Variants in MDN1 observed in about 807,000 individuals in gnomAD.
The protein encoded by MDN1 is midasin.
Under a neutral mutation model 669.2 loss-of-function variants are expected in MDN1, and 266 were observed. The observed-to-expected ratio is 0.40, with a 90% CI of 0.36 to 0.44. The LOEUF (loss-of-function observed/expected upper bound fraction) is 0.44, where lower values mean the gene tolerates loss of function less well. Among genes scored for constraint, MDN1 ranks in the 20% least tolerant of loss-of-function variants. MDN1 has a pLI of 1.00. For synonymous variants in MDN1, 2,385 were observed against 2,457.1 expected (o/e 0.97, Z 0.87); for missense variants, 5,940 against 6,754.0 (o/e 0.88, Z 4.22).
At chr6:89,661,075 G>T (rs569185370) in intron 88 of MDN1, among the ~76,000 whole-genome samples, 1 of 152,108 alleles carries the variant, frequency 6.6e-6, no homozygotes, top group African/African-American at 2.4e-5. Flanking sequence ...TGGACTCCAC[G>T]ACAGCTTGGT....
intron 95 of MDN1, 139 bp from the exon 96 acceptor site, chr6:89,650,986 C>A: frequency 1.6e-6 from 1 of 613,152 alleles, no homozygotes; most frequent in East Asian, 2.9e-5. Context: ...AATCTTCTCC[C>A]AGCAAGCTAC....
At position 89,789,803 on chromosome 6, in the gene MDN1, T is replaced by C. The variant is rs1254416379; in HGVS notation, c.1207A>G (p.Ile403Val). Reference protein sequence around the residue: ...TMGHWILLEDIDYAPLDVVSV... With the variant: ...TMGHWILLEDVDYAPLDVVSV... ...ACCACGTCTAAGGGGGCATAGTCAA[T>C]ATCCTCCAGAAGGATCCAGTGGCCC... is the stretch of plus-strand genomic sequence containing the variant. The change falls in exon 7 of 102, where the codon ATT becomes GTT. Residue 403 changes from isoleucine (I) to valine (V), a missense_variant. Coordinates refer to ENST00000369393, the MANE Select transcript of MDN1 (RefSeq NM_014611.3). 3.1e-6 allele frequency: 5 copies of C among 1,612,868 alleles called. No homozygotes were observed. The highest frequency in any genetic ancestry group is 1.7e-5 in the Admixed American group (1 of 59,616).
At chr6:89,670,170 A>ATATATATATAT (rs1444537561) in intron 83 of MDN1, among the ~76,000 whole-genome samples, 4 of 23,402 alleles carry the variant, frequency 1.7e-4, no homozygotes, top group African/African-American at 7.7e-4. Flanking sequence ...ATATATATAT[A>ATATATATATAT]TTTTTTTTTT....
chr6:89,771,472 A>C, intron 15 of MDN1, 89 bp downstream of exon 15: 1 of 1,158,810 alleles, frequency 8.6e-7, no homozygotes, highest in Non-Finnish European at 1.3e-6. Context: ...AGCATCCTAG[A>C]ACCTGTGGTT....
chr6:89,721,132 T>C (rs1293596184), intron 40 of MDN1, among the ~76,000 whole-genome samples: 1 of 152,110 alleles, frequency 6.6e-6, no homozygotes, highest in Non-Finnish European at 1.5e-5. Flanking sequence ...AGTCAGACCC[T>C]GCCTCAAAAA....
chr6:89,714,739 C>G lies in MDN1; in HGVS notation c.6873G>C (p.Ser2291=), dbSNP rs114422841. 1 of 1,606,302 alleles carries G rather than the reference C, an allele frequency of 6.2e-7. No homozygotes were observed. The part of the protein sequence containing the change: ...TPNPNFRLFL[S]MDPVHGDISR... Reference sequence around the variant, plus strand: ...ATATATCTCCATGAACAGGATCCATCGAGAGGAAAAGTCTAGAAAAATAGC... The same window carrying G: ...ATATATCTCCATGAACAGGATCCATGGAGAGGAAAAGTCTAGAAAAATAGC... Residue 2291 remains serine (S), a synonymous_variant, in exon 46 of 102, where the codon TCG becomes TCC. Coordinates refer to ENST00000369393, the MANE Select transcript of MDN1 (RefSeq NM_014611.3).
intron 1 of MDN1, among the ~76,000 whole-genome samples, chr6:89,814,358 A>G (rs1768662651): frequency 1.3e-5 from 2 of 149,530 alleles, no homozygotes. Context: ...TGAAAGAAGT[A>G]TTTCAGGTGT....
chr6:89,729,015 A>T lies in MDN1; in HGVS notation c.5265T>A (p.Pro1755=). The change falls in exon 36 of 102, where the codon CCT becomes CCA. Residue 1755 remains proline, a synonymous_variant. Coordinates refer to ENST00000369393, the MANE Select transcript of MDN1 (RefSeq NM_014611.3). ...LKKPILLEGS[P]GVGKTSLVGA... ...CCACCAAACTTGTCTTGCCAACACC[A>T]GGGGAACCCTCCAGGAGAATGGGCT... The T allele has an allele frequency of 6.2e-7, 1 of 1,614,126 alleles. No homozygotes were observed.
At position 89,692,965 on chromosome 6, in the gene MDN1, G is replaced by A. The variant is rs1812475946; in HGVS notation, c.10065C>T (p.His3355=). The A allele has an allele frequency of 1.2e-6, 2 of 1,614,078 alleles. No individual in the cohort carries two copies. Among genetic ancestry groups the A allele is most frequent in the South Asian group, 1.1e-5 (1 of 91,080 alleles). ...CTTGGGCAGACCGTGGCCCATCTAT[G>A]TGGAGGGCCTGCAGAAGCCGTGTGA... is the stretch of plus-strand genomic sequence containing the variant. ...DLLTRLLQAL[H]IDGPRSAQVA... Residue 3355 remains histidine (H), a synonymous_variant, in exon 63 of 102, where the codon CAC becomes CAT. Coordinates refer to ENST00000369393, the MANE Select transcript of MDN1 (RefSeq NM_014611.3).
intron 74 of MDN1, among the ~76,000 whole-genome samples, chr6:89,680,172 C>T (rs1811505727): frequency 6.6e-6 from 1 of 152,096 alleles, no homozygotes; most frequent in African/African-American, 2.4e-5. Context: ...CAAAGACAGC[C>T]TGAGAAATGA....
intron 22 of MDN1, among the ~76,000 whole-genome samples, chr6:89,752,722 C>G (rs1281577641): frequency 1.3e-5 from 2 of 152,162 alleles, no homozygotes; most frequent in Non-Finnish European, 2.9e-5. Context: ...CTATGGTGTA[C>G]CCATCCAGTG....
rs772439363 is a variant in MDN1, at chr6:89,695,562, C to T, written c.9771+43G>A. On this transcript the variant is annotated intron_variant, in intron 61 of 101. Transcript: ENST00000369393. This position sits in a 1 kb window ranked among gnomAD's most constrained non-coding sequence, Gnocchi z 4.1. ...AGTAATACAATAAGCAAACCCAGCA[C>T]GTCAGGGAAGGAGCCCATGCTCCAT... 19 of 1,542,244 alleles carry T rather than the reference C, an allele frequency of 1.2e-5. No individual in the cohort carries two copies. The highest frequency in any genetic ancestry group is 8.2e-5 in the African/African-American group (6 of 73,022).
intron 83 of MDN1, among the ~76,000 whole-genome samples, chr6:89,670,658 C>T (rs971280571): frequency 7.2e-5 from 11 of 151,960 alleles, no homozygotes; most frequent in African/African-American, 2.7e-4. Flanking sequence ...TTTTAGACAG[C>T]GCTGGAGTTT....
intron 78 of MDN1, 146 bp downstream of exon 78, chr6:89,675,318 A>G (rs1014772676): frequency 6.8e-5 from 45 of 659,492 alleles, no homozygotes; most frequent in Non-Finnish European, 1.0e-4. Context: ...CAGAGCTGGG[A>G]GAAACCCTAC....
intron 13 of MDN1, among the ~76,000 whole-genome samples, chr6:89,773,769 A>G (rs1371835929): frequency 1.3e-5 from 2 of 151,784 alleles, no homozygotes; most frequent in Non-Finnish European, 2.9e-5. Context: ...GTTCAAGACC[A>G]ACCTGGCCAA....
chr6:89,678,945 T>C (rs1221492994), intron 74 of MDN1, among the ~76,000 whole-genome samples, 200 bp from the exon 75 acceptor site: 1 of 152,200 alleles, frequency 6.6e-6, no homozygotes, highest in Non-Finnish European at 1.5e-5. Context: ...TCAAGGTGCA[T>C]GGAAATAGAA....
At chr6:89,701,507 T>C in intron 55 of MDN1, 51 bp downstream of exon 55, 2 of 1,603,268 alleles carry the variant, frequency 1.2e-6, no homozygotes, top group Non-Finnish European at 1.7e-6. Context: ...CAAAAGGACT[T>C]CAGAAGTAGT....
chr6:89,780,988 G>A (rs1045420910), intron 10 of MDN1, among the ~76,000 whole-genome samples: 2 of 151,814 alleles, frequency 1.3e-5, no homozygotes, highest in Admixed American at 1.3e-4. Context: ...TCTCAAAGGG[G>A]AAGTCAACCA....
At chr6:89,701,809 C>A (rs1423798416) in intron 54 of MDN1, 95 bp downstream of exon 54, 1 of 1,521,090 alleles carries the variant, frequency 6.6e-7, no homozygotes, top group South Asian at 1.3e-5. Context: ...GGGAATAAAC[C>A]AAAATAAAGC....
Sources: allele counts gnomAD v4.1 joint callset (sites outside exome capture counted in the v4.1 genomes callset), GRCh38; gene constraint gnomAD v4.1.1; non-coding constraint Gnocchi (gnomAD v3.1); transcripts MANE v1.5; gene names NCBI Gene and HGNC (gene_info 2026-07-23, HGNC 2026-07-21).